The following STK33 variants were observed in gnomAD, a reference collection of about 807,000 sequenced individuals.
STK33 encodes the protein serine/threonine-protein kinase 33.
In STK33, 52 loss-of-function variants were observed where a neutral mutation model predicts 58.0. That is an observed-to-expected ratio of 0.90 (90% CI 0.72 to 1.13). The LOEUF is 1.13. Among genes scored for constraint, STK33 ranks in the 50% most tolerant of loss-of-function variants. STK33 has a pLI of 0.00. For missense variants in STK33, 630 were observed against 604.2 expected (o/e 1.04, Z -0.45); for synonymous variants, 215 against 200.1 (o/e 1.07, Z -0.63).
At position 8,561,084 on chromosome 11, in the gene STK33, C is replaced by T. The variant is rs553726377; in HGVS notation, c.-466+32999G>A. Among the ~76,000 whole-genome samples, 67 of 152,218 alleles carry T rather than the reference C, an allele frequency of 4.4e-4. 1 individual carries two copies. Among genetic ancestry groups the T allele is most frequent in the Admixed American group, 8.5e-4 (13 of 15,276 alleles). ...TACATTTTCTTCTGTTTTCATACAA[C>T]GCAGTTATTCAGACTTTACTTGGTC... On this transcript the variant is annotated intron_variant, in intron 1 of 15. Coordinates refer to ENST00000687296, the MANE Select transcript of STK33 (RefSeq NM_001352389.2).
chr11:8,562,227 T>C (rs1172859688), intron 1 of STK33, among the ~76,000 whole-genome samples: 1 of 152,250 alleles, frequency 6.6e-6, no homozygotes, highest in Non-Finnish European at 1.5e-5. Context: ...TATTCATTTA[T>C]GTTCATTTGA....
intron 1 of STK33, among the ~76,000 whole-genome samples, chr11:8,506,665 A>G (rs1420522635): frequency 6.6e-6 from 1 of 152,090 alleles, no homozygotes; most frequent in Non-Finnish European, 1.5e-5. Context: ...TAATTCTGCA[A>G]TGTCTCTTTT....
chr11:8,441,376 G>C (rs1192811348), intron 11 of STK33, among the ~76,000 whole-genome samples: 3 of 151,150 alleles, frequency 2.0e-5, no homozygotes, highest in African/African-American at 7.3e-5. Context: ...TTTTGAGACA[G>C]GGTCTCACTC....
chr11:8,435,449 G>T (rs370471533), intron 14 of STK33, 45 bp downstream of exon 14: 102 of 1,015,160 alleles, frequency 1.0e-4, no homozygotes, highest in Non-Finnish European at 1.3e-4. Context: ...AAAGAAATGA[G>T]CAATGGTAGC....
At chr11:8,384,369 C>T in the STK33 span, among the ~76,000 whole-genome samples, 1 of 152,058 alleles carries the variant, frequency 6.6e-6, no homozygotes, top group Non-Finnish European at 1.5e-5. Flanking sequence ...TGGGAAGGCG[C>T]TCATTACTTA....
chr11:8,408,660 C>T (rs180837389), intron 15 of STK33, among the ~76,000 whole-genome samples: 2 of 152,268 alleles, frequency 1.3e-5, no homozygotes, highest in East Asian at 3.9e-4. Flanking sequence ...TGAGAGGTCC[C>T]CACAATCACC....
At chr11:8,454,874 G>A (rs1263836354) in intron 9 of STK33, 42 bp from the exon 10 acceptor site, 2 of 1,473,050 alleles carry the variant, frequency 1.4e-6, no homozygotes, top group Admixed American at 2.5e-5. Flanking sequence ...AATGAATAAT[G>A]GAAAAATAGG....
At chr11:8,507,094 C>A (rs12291031) in intron 1 of STK33, among the ~76,000 whole-genome samples, 1,747 of 152,190 alleles carry the variant, frequency 0.011, 19 homozygotes, top group African/African-American at 0.038. Context: ...AAATTCAGTC[C>A]ATTTTCCAGA....
chr11:8,527,295 G>T (rs1300573993), intron 1 of STK33, among the ~76,000 whole-genome samples: 4 of 152,120 alleles, frequency 2.6e-5, no homozygotes, highest in Non-Finnish European at 5.9e-5. Context: ...AAGATAGAGG[G>T]AAAGAAAGCT....
chr11:8,565,893 C>T (rs1255266697), intron 1 of STK33: 1 of 152,198 alleles, frequency 6.6e-6, no homozygotes, highest in Non-Finnish European at 1.5e-5. Flanking sequence ...CAAACTCTGC[C>T]GACCCATCCC....
intron 15 of STK33, among the ~76,000 whole-genome samples, chr11:8,402,882 T>C (rs1406604511): frequency 3.3e-5 from 5 of 152,232 alleles, no homozygotes; most frequent in African/African-American, 1.2e-4. Flanking sequence ...GCGTTTCTCC[T>C]TTTCTTCTCT....
At chr11:8,447,363 T>A (rs1423674938) in intron 11 of STK33, among the ~76,000 whole-genome samples, 3 of 152,158 alleles carry the variant, frequency 2.0e-5, no homozygotes, top group Non-Finnish European at 4.4e-5. Context: ...ATATCTCTCA[T>A]GAACATCGAT....
intron 14 of STK33, among the ~76,000 whole-genome samples, chr11:8,428,489 T>C (rs1943037735): frequency 6.6e-6 from 1 of 152,216 alleles, no homozygotes; most frequent in Admixed American, 6.5e-5. Context: ...GAGGTTTCTC[T>C]CTAAAGTTAC....
At chr11:8,431,329 T>C (rs898785434) in intron 14 of STK33, among the ~76,000 whole-genome samples, 1 of 152,140 alleles carries the variant, frequency 6.6e-6, no homozygotes, top group African/African-American at 2.4e-5. Context: ...AGCCAACAGT[T>C]AGGTATCAGA....
At chr11:8,563,086 GT>G (rs1957223504) in intron 1 of STK33, among the ~76,000 whole-genome samples, 1 of 152,132 alleles carries the variant, frequency 6.6e-6, no homozygotes, top group South Asian at 2.1e-4. Context: ...TTTGTGAAGA[GT>G]CACTTAAGTC....
the STK33 span, among the ~76,000 whole-genome samples, chr11:8,382,984 T>C: frequency 6.6e-6 from 1 of 152,080 alleles, no homozygotes. Flanking sequence ...GATAGGAAAA[T>C]AACCATGCTT....
At chr11:8,554,067 C>T (rs1475176806) in intron 1 of STK33, among the ~76,000 whole-genome samples, 2 of 151,838 alleles carry the variant, frequency 1.3e-5, no homozygotes, top group African/African-American at 4.8e-5. Flanking sequence ...GATTAATATC[C>T]AAAATATGTA....
intron 1 of STK33, among the ~76,000 whole-genome samples, chr11:8,568,290 T>A (rs1407023241): frequency 1.3e-5 from 2 of 152,302 alleles, no homozygotes; most frequent in East Asian, 3.9e-4. Flanking sequence ...ATGAACTCAT[T>A]AAAATGGCAT....
At chr11:8,442,580 T>A (rs1216181666) in intron 11 of STK33, among the ~76,000 whole-genome samples, 1 of 152,160 alleles carries the variant, frequency 6.6e-6, no homozygotes, top group East Asian at 1.9e-4. Flanking sequence ...TCACTTGTTA[T>A]CAGTGTAGAC....
Sources: gnomAD v4.1 joint callset for allele counts (sites outside exome capture counted in the v4.1 genomes callset) on GRCh38, gnomAD v4.1.1 for gene constraint, MANE v1.5 for transcripts, NCBI Gene and HGNC (gene_info 2026-07-23, HGNC 2026-07-21) for gene names.